Variants in FNIP1 observed in about 807,000 individuals in gnomAD.
FNIP1 encodes folliculin-interacting protein 1.
A neutral mutation model predicts 124.5 loss-of-function variants in FNIP1; 40 were observed. That is an observed-to-expected ratio of 0.32 (90% CI 0.25 to 0.42). The LOEUF (loss-of-function observed/expected upper bound fraction) is 0.42. FNIP1 is among the 10% of genes least tolerant of loss of function. The pLI, the probability that FNIP1 is intolerant of heterozygous loss-of-function variation, is 1.00. For synonymous variants in FNIP1, 472 were observed against 470.6 expected (o/e 1.00, Z -0.04); for missense variants, 1,176 against 1,403.7 (o/e 0.84, Z 2.59).
At chr5:131,729,167 A>T (rs188710098) in intron 3 of FNIP1, among the ~76,000 whole-genome samples, 2 of 151,914 alleles carry the variant, frequency 1.3e-5, no homozygotes, top group Non-Finnish European at 2.9e-5. Flanking sequence ...GGGGTCAGGG[A>T]CCCACTTGAG....
At chr5:131,723,245 T>C (rs1769736812) in intron 3 of FNIP1, among the ~76,000 whole-genome samples, 1 of 152,324 alleles carries the variant, frequency 6.6e-6, no homozygotes, top group Non-Finnish European at 1.5e-5. Context: ...CCTTCCCTTA[T>C]AAGCTCATTT....
At position 131,746,376 on chromosome 5, in the gene FNIP1, G is replaced by A. The variant is rs528411196; in HGVS notation, c.93-1686C>T. Among the ~76,000 whole-genome samples the A allele has an allele frequency of 2.6e-5, 4 of 152,254 alleles. No homozygotes were observed. In the East Asian group the frequency reaches 7.7e-4, roughly 29 times the overall value. On this transcript the variant is annotated intron_variant, in intron 1 of 17. Transcript: ENST00000510461. Reference sequence around the variant, plus strand: ...GGTACAACTGATGCTGTCACCCAGAGAGAGAGCATACAACCCAACTATTAA... The same window carrying A: ...GGTACAACTGATGCTGTCACCCAGAAAGAGAGCATACAACCCAACTATTAA...
At chr5:131,681,754 C>A in intron 11 of FNIP1, among the ~76,000 whole-genome samples, 2 of 115,568 alleles carry the variant, frequency 1.7e-5, no homozygotes, top group African/African-American at 2.9e-5. Flanking sequence ...TCCAGGAGTG[C>A]CAATTTCTAA....
chr5:131,787,267 C>A (rs1461543076), intron 1 of FNIP1, among the ~76,000 whole-genome samples: 1 of 152,150 alleles, frequency 6.6e-6, no homozygotes, highest in Non-Finnish European at 1.5e-5. Context: ...GTCTCCTAGG[C>A]AGAGTGGTAT....
chr5:131,762,662 T>G (rs956209799), intron 1 of FNIP1, among the ~76,000 whole-genome samples: 1 of 152,120 alleles, frequency 6.6e-6, no homozygotes, highest in Admixed American at 6.5e-5. Context: ...AATGTTAGTA[T>G]GACCACTACG....
intron 15 of FNIP1, among the ~76,000 whole-genome samples, chr5:131,665,222 C>T (rs1018416446): frequency 5.9e-5 from 9 of 151,962 alleles, no homozygotes; most frequent in African/African-American, 1.2e-4. Context: ...TATGATATAC[C>T]GGCAATAAGT....
intron 13 of FNIP1, among the ~76,000 whole-genome samples, chr5:131,673,962 G>A (rs1312736167): frequency 6.6e-6 from 1 of 152,104 alleles, no homozygotes; most frequent in Non-Finnish European, 1.5e-5. Context: ...CTTGAACCCA[G>A]GAGGCAGAGG....
chr5:131,648,727 T>C (rs1329516304), intron 16 of FNIP1, among the ~76,000 whole-genome samples: 4 of 152,196 alleles, frequency 2.6e-5, no homozygotes, highest in African/African-American at 9.7e-5. Flanking sequence ...CCACCATCCA[T>C]TTCCAGAACA....
intron 16 of FNIP1, among the ~76,000 whole-genome samples, chr5:131,647,690 G>C (rs1336293610): frequency 6.6e-6 from 1 of 151,854 alleles, no homozygotes. Context: ...TGGCCAGGCT[G>C]GTCTCAAACT....
At chr5:131,752,640 G>C (rs1770915362) in intron 1 of FNIP1, among the ~76,000 whole-genome samples, 1 of 151,564 alleles carries the variant, frequency 6.6e-6, no homozygotes, top group African/African-American at 2.4e-5. Context: ...CCACAAAGCA[G>C]TAAGCAATAA....
intron 10 of FNIP1, among the ~76,000 whole-genome samples, chr5:131,699,916 CAA>C (rs3033727): frequency 1.1e-5 from 1 of 93,664 alleles, no homozygotes; most frequent in Admixed American, 1.6e-4. Flanking sequence ...AAGACTGTTT[CAA>C]AAAAAAAAAA....
chr5:131,667,573 T>TTTG (rs1767638663), intron 15 of FNIP1, among the ~76,000 whole-genome samples: 4 of 150,944 alleles, frequency 2.6e-5, no homozygotes, highest in African/African-American at 9.7e-5. Flanking sequence ...ACTTCTGTTT[T>TTTG]TTTGTTTGTT....
intron 11 of FNIP1, among the ~76,000 whole-genome samples, chr5:131,695,853 C>A (rs1313378251): frequency 6.6e-6 from 1 of 152,132 alleles, no homozygotes; most frequent in Admixed American, 6.6e-5. Context: ...AAACTGTGTT[C>A]AACATTGAGA....
Position 131,647,086 on chromosome 5 carries a change from A to G in FNIP1, c.3422+4T>C, listed in dbSNP as rs780706048. 1 of 1,613,472 alleles carries G rather than the reference A, an allele frequency of 6.2e-7. No homozygotes were observed. Among genetic ancestry groups the G allele is most frequent in the South Asian group, 1.1e-5 (1 of 91,010 alleles). On this transcript the variant is annotated splice_donor_region_variant and intron_variant, in intron 17 of 17. Transcript: ENST00000510461. ...CAAAGCCAAAAAAGAAACCATTAAC[A>G]TACCCCAGAACCACTCCCAGCTCCT...
Position 131,706,627 on chromosome 5 carries a change from T to C in FNIP1, c.779-81A>G, listed in dbSNP as rs988737586. 1.2e-5 allele frequency: 16 copies of C among 1,324,914 alleles called. No individual in the cohort carries two copies. In the African/African-American group the frequency reaches 2.4e-4, roughly 20 times the overall value. 82.1% of individuals were successfully genotyped at this position (1,324,914 alleles called of 1,614,324 possible). A position where few individuals can be genotyped will look rare whatever the true frequency, so the allele number is the denominator to read the frequency against. On this transcript the variant is annotated intron_variant, in intron 8 of 17. Coordinates refer to ENST00000510461, the MANE Select transcript of FNIP1 (RefSeq NM_133372.3). ...AATTTCTTTTTAACAAAATTACAAA[T>C]AGGTTAAGTTAAACTTTATTTTGCT...
At chr5:131,705,376 G>C (rs1417908311) in intron 9 of FNIP1, among the ~76,000 whole-genome samples, 1 of 152,092 alleles carries the variant, frequency 6.6e-6, no homozygotes, top group East Asian at 1.9e-4. Context: ...GAGAGGCTGA[G>C]GTGGAAGGAT....
intron 6 of FNIP1, among the ~76,000 whole-genome samples, chr5:131,711,286 C>A (rs1342824562): frequency 1.3e-5 from 2 of 152,166 alleles, no homozygotes; most frequent in Non-Finnish European, 2.9e-5. Context: ...GGACCAGACT[C>A]CCAGCTGTTC....
intron 11 of FNIP1, among the ~76,000 whole-genome samples, chr5:131,696,049 T>A (rs1768679909): frequency 6.6e-6 from 1 of 152,244 alleles, no homozygotes; most frequent in Admixed American, 6.5e-5. Context: ...TAAACATTTA[T>A]ATTAAAACAA....
intron 9 of FNIP1, among the ~76,000 whole-genome samples, chr5:131,705,290 G>A (rs965368806): frequency 5.3e-5 from 8 of 150,588 alleles, no homozygotes; most frequent in African/African-American, 1.7e-4. Context: ...GCAACATGGC[G>A]AAACCCCATC....
Sources: gnomAD v4.1 joint callset for allele counts (sites outside exome capture counted in the v4.1 genomes callset) on GRCh38, gnomAD v4.1.1 for gene constraint, MANE v1.5 for transcripts, NCBI Gene and HGNC (gene_info 2026-07-23, HGNC 2026-07-21) for gene names.